The following AGPS variants were observed in gnomAD, a reference collection of about 807,000 sequenced individuals.
AGPS encodes alkyldihydroxyacetonephosphate synthase, peroxisomal.
Under a neutral mutation model 90.7 loss-of-function variants are expected in AGPS, and 26 were observed. The observed-to-expected ratio is 0.29, with a 90% CI of 0.21 to 0.40. AGPS has a LOEUF of 0.40. AGPS is among the 10% of genes least tolerant of loss of function. The probability of loss-of-function intolerance (pLI) is 1.00; values close to 1 mark genes in which losing one functional copy is unlikely to be tolerated. For synonymous variants in AGPS, 294 were observed against 285.3 expected (o/e 1.03, Z -0.31); for missense variants, 540 against 816.1 (o/e 0.66, Z 4.12).
intron 1 of AGPS, among the ~76,000 whole-genome samples, chr2:177,397,585 C>T (rs201988853): frequency 1.3e-5 from 2 of 151,960 alleles, no homozygotes; most frequent in East Asian, 3.9e-4. Context: ...TTGGCTCCAA[C>T]CTCATTGTGG....
chr2:177,493,339 A>G, intron 12 of AGPS, 140 bp downstream of exon 12: 1 of 782,456 alleles, frequency 1.3e-6, no homozygotes, highest in Non-Finnish European at 2.2e-6. Flanking sequence ...GAAGATAGAC[A>G]ATTACATAAA....
At chr2:177,523,839 C>T (rs1227493846) in intron 19 of AGPS, 34 bp downstream of exon 19, 1 of 1,548,934 alleles carries the variant, frequency 6.5e-7, no homozygotes, top group South Asian at 1.1e-5. Context: ...TTCTAATATT[C>T]TTACTTTAAA....
chr2:177,491,755 T>C, intron 11 of AGPS, among the ~76,000 whole-genome samples: 1 of 105,816 alleles, frequency 9.5e-6, no homozygotes, highest in Non-Finnish European at 1.9e-5. Flanking sequence ...GTAATATACT[T>C]TCCTTCCCCC....
At chr2:177,420,793 A>C (rs907848502) in intron 2 of AGPS, among the ~76,000 whole-genome samples, 2 of 151,888 alleles carry the variant, frequency 1.3e-5, no homozygotes, top group African/African-American at 2.4e-5. Flanking sequence ...AAGTAGCTTC[A>C]TATTTAAATC....
intron 15 of AGPS, among the ~76,000 whole-genome samples, chr2:177,506,974 T>C (rs1688735146): frequency 6.6e-6 from 1 of 152,090 alleles, no homozygotes; most frequent in Non-Finnish European, 1.5e-5. Flanking sequence ...GGAGTATCTA[T>C]CTTAATTTTT....
chr2:177,438,012 G>A (rs1380243949), intron 5 of AGPS, among the ~76,000 whole-genome samples: 1 of 152,164 alleles, frequency 6.6e-6, no homozygotes, highest in Non-Finnish European at 1.5e-5. Context: ...AATTTTAACT[G>A]TTCCTGAGGA....
In AGPS at chr2:177,495,534, G is replaced by T. The variant is rs560026730; in HGVS notation, c.1286-2155G>T. Among the ~76,000 whole-genome samples the T allele has an allele frequency of 2.0e-5, 3 of 152,204 alleles. No homozygotes were observed. In the East Asian group the frequency reaches 5.8e-4, roughly 29 times the overall value. On this transcript the variant is annotated intron_variant, in intron 12 of 19. Transcript: ENST00000264167. ...ATTAATAAATCCTGTTAAATGACAC[G>T]ATTAACATTGAAATAACAGAAAATT...
intron 1 of AGPS, among the ~76,000 whole-genome samples, chr2:177,410,541 G>A (rs548726349): frequency 1.1e-4 from 17 of 152,300 alleles, no homozygotes; most frequent in African/African-American, 4.1e-4. Context: ...TAACAAAGGA[G>A]TGGGGCTTTC....
At chr2:177,490,624 T>C (rs1415194294) in intron 11 of AGPS, among the ~76,000 whole-genome samples, 1 of 152,148 alleles carries the variant, frequency 6.6e-6, no homozygotes, top group Non-Finnish European at 1.5e-5. Flanking sequence ...ACACTCAATA[T>C]AATTGAATAT....
At chr2:177,496,286 A>G (rs1337557575) in intron 12 of AGPS, among the ~76,000 whole-genome samples, 1 of 152,206 alleles carries the variant, frequency 6.6e-6, no homozygotes, top group African/African-American at 2.4e-5. Context: ...AGATAATTTC[A>G]ACTTCTGCCA....
At chr2:177,530,964 A>G (rs35231714) in intron 19 of AGPS, among the ~76,000 whole-genome samples, 9,642 of 152,226 alleles carry the variant, frequency 0.063, 515 homozygotes, top group Non-Finnish European at 0.087. Context: ...CCTTGTCAGG[A>G]AGTTAAAAAC....
intron 12 of AGPS, among the ~76,000 whole-genome samples, chr2:177,495,043 T>C (rs1370409707): frequency 6.6e-6 from 1 of 152,198 alleles, no homozygotes; most frequent in Non-Finnish European, 1.5e-5. Context: ...TTTAATATAA[T>C]CTCTACTTCA....
intron 5 of AGPS, among the ~76,000 whole-genome samples, chr2:177,437,756 T>C (rs1326674112): frequency 6.6e-6 from 1 of 152,194 alleles, no homozygotes; most frequent in Non-Finnish European, 1.5e-5. Flanking sequence ...TCAGAGTGTA[T>C]ATTTTATTTT....
Position 177,470,922 on chromosome 2 carries a change from C to T in AGPS, c.1105+2398C>T, listed in dbSNP as rs563023591. Reference sequence around the variant, plus strand: ...TATAAGTTAGATAATTTTCAGTGCCCGGTGTCCTCAGCCATAAAATGGGAA... The same window carrying T: ...TATAAGTTAGATAATTTTCAGTGCCTGGTGTCCTCAGCCATAAAATGGGAA... On this transcript the variant is annotated intron_variant, in intron 10 of 19. Transcript: ENST00000264167. Among the ~76,000 whole-genome samples, 162 of 151,876 alleles carry T rather than the reference C, an allele frequency of 1.1e-3. 3 individuals are homozygous for T. Among genetic ancestry groups the T allele is most frequent in the Non-Finnish European group, 6.5e-4 (44 of 67,950 alleles).
At chr2:177,524,109 C>T (rs2079058571) in intron 19 of AGPS, among the ~76,000 whole-genome samples, 1 of 152,050 alleles carries the variant, frequency 6.6e-6, no homozygotes, top group Non-Finnish European at 1.5e-5. Context: ...TTACAGCAAA[C>T]GTTTTTAAAG....
At chr2:177,416,821 G>T (rs1488750797) in intron 1 of AGPS, among the ~76,000 whole-genome samples, 1 of 152,126 alleles carries the variant, frequency 6.6e-6, no homozygotes, top group African/African-American at 2.4e-5. Flanking sequence ...GAGCCACTGT[G>T]CCTGGCCCGG....
At chr2:177,439,717 T>C (rs1000872189) in intron 5 of AGPS, among the ~76,000 whole-genome samples, 4 of 152,194 alleles carry the variant, frequency 2.6e-5, no homozygotes, top group African/African-American at 9.6e-5. Context: ...TCCTACTAAG[T>C]CCTTAGGCTC....
intron 18 of AGPS, among the ~76,000 whole-genome samples, 182 bp from the exon 19 acceptor site, chr2:177,523,566 T>C (rs1465814024): frequency 2.6e-5 from 4 of 152,230 alleles, no homozygotes; most frequent in African/African-American, 4.8e-5. Flanking sequence ...AAAAAACTTA[T>C]GAAGCTAGGC....
intron 8 of AGPS, among the ~76,000 whole-genome samples, chr2:177,461,087 A>T (rs2105665015): frequency 6.6e-6 from 1 of 152,344 alleles, no homozygotes; most frequent in Admixed American, 6.5e-5. Flanking sequence ...TGACTATCAA[A>T]ATGGTCAACA....
Sources: gnomAD v4.1 joint callset for allele counts (sites outside exome capture counted in the v4.1 genomes callset) on GRCh38, gnomAD v4.1.1 for gene constraint, MANE v1.5 for transcripts, NCBI Gene and HGNC (gene_info 2026-07-23, HGNC 2026-07-21) for gene names.